ERBB4: variants seen among roughly 807,000 people sequenced by gnomAD.
The protein encoded by ERBB4 is receptor tyrosine-protein kinase erbB-4.
A neutral mutation model predicts 158.0 loss-of-function variants in ERBB4; 42 were observed. That is an observed-to-expected ratio of 0.27 (90% CI 0.21 to 0.34). ERBB4 has a LOEUF of 0.34. ERBB4 is among the 10% of genes least tolerant of loss of function. ERBB4 has a pLI of 1.00. For missense variants in ERBB4, 1,333 were observed against 1,624.1 expected, an observed-to-expected ratio of 0.82 and a Z score of 3.08; for synonymous variants, 583 against 558.7, an observed-to-expected ratio of 1.04 and a Z score of -0.61.
At chr2:211,643,227 C>G (rs2070664065) in intron 16 of ERBB4, among the ~76,000 whole-genome samples, 1 of 152,184 alleles carries the variant, frequency 6.6e-6, no homozygotes, top group East Asian at 1.9e-4. Context: ...CAAAGGTTGA[C>G]CATAGGGAAT....
rs955515561 is a variant in ERBB4, at chr2:211,558,423, G to C, written c.2487+3480C>G. On this transcript the variant is annotated intron_variant, in intron 20 of 27. Coordinates refer to ENST00000342788, the MANE Select transcript of ERBB4 (RefSeq NM_005235.3). ...CCTGTGACTACAATGGGCCGATCTG[G>C]GTAATCCAGGATAATCTCATCTCAA... Among the ~76,000 whole-genome samples the C allele has an allele frequency of 6.6e-5, 10 of 151,996 alleles. No homozygotes were observed. The East Asian group carries it at 1.4e-3, about 21-fold the overall frequency.
chr2:211,636,593 A>G (rs1164626751), intron 16 of ERBB4, among the ~76,000 whole-genome samples: 1 of 151,950 alleles, frequency 6.6e-6, no homozygotes, highest in Non-Finnish European at 1.5e-5. Flanking sequence ...TCTAATAATC[A>G]ATAATGCCAC....
At chr2:211,941,257 A>AT (rs34846131) in intron 3 of ERBB4, among the ~76,000 whole-genome samples, 3,147 of 143,702 alleles carry the variant, frequency 0.022, 53 homozygotes, top group African/African-American at 0.044. Flanking sequence ...GTACTCTTAG[A>AT]TTTTTTTTTT....
At chr2:211,769,322 C>T (rs1292195901) in intron 4 of ERBB4, among the ~76,000 whole-genome samples, 4 of 152,128 alleles carry the variant, frequency 2.6e-5, no homozygotes, top group Admixed American at 1.3e-4. Context: ...CAAACTTTCC[C>T]ACATCTTCCT....
Position 211,704,957 on chromosome 2 carries a change from T to C in ERBB4, c.1198+361A>G, listed in dbSNP as rs116856762. 4.4e-4 allele frequency among the ~76,000 whole-genome samples: 67 copies of C among 152,266 alleles called. No individual in the cohort carries two copies. The East Asian group carries it at 0.013, about 29-fold the overall frequency. ...TAACTTTTTTTGTTTTGTTTTGTTT[T>C]GTTTTTTGTTGTTATTTTGAAATGG... On this transcript the variant is annotated intron_variant, in intron 10 of 27. Transcript: ENST00000342788.
intron 16 of ERBB4, among the ~76,000 whole-genome samples, chr2:211,657,012 G>T (rs80153622): frequency 0.022 from 3,334 of 151,992 alleles, 121 homozygotes; most frequent in African/African-American, 0.075. Flanking sequence ...TTTCTATATT[G>T]CCTTTATGTT....
chr2:212,509,819 G>C (rs979103547), intron 1 of ERBB4, among the ~76,000 whole-genome samples: 1 of 149,580 alleles, frequency 6.7e-6, no homozygotes, highest in Non-Finnish European at 1.5e-5. Context: ...CTTACAGTCA[G>C]TTAGTTTCTA....
intron 1 of ERBB4, among the ~76,000 whole-genome samples, chr2:212,498,471 T>C (rs747538536): frequency 2.4e-4 from 36 of 152,142 alleles, no homozygotes; most frequent in African/African-American, 3.6e-4. Context: ...CTCCAAAGGA[T>C]TGAGATACAT....
intron 20 of ERBB4, among the ~76,000 whole-genome samples, chr2:211,456,399 A>G (rs1385566821): frequency 6.6e-6 from 1 of 152,176 alleles, no homozygotes. Flanking sequence ...TATACTTCTG[A>G]ATCAATGAAT....
chr2:212,159,363 G>A (rs2081137259), intron 1 of ERBB4, among the ~76,000 whole-genome samples: 1 of 147,058 alleles, frequency 6.8e-6, no homozygotes, highest in African/African-American at 2.5e-5. Context: ...CCTTATTATT[G>A]ATGCCTACAC....
intron 3 of ERBB4, among the ~76,000 whole-genome samples, chr2:211,820,687 A>G (rs960856716): frequency 6.6e-6 from 1 of 151,864 alleles, no homozygotes; most frequent in African/African-American, 2.4e-5. Context: ...ACAAAATCAC[A>G]CCAAAATATG....
chr2:212,057,418 C>T (rs1448326572), intron 2 of ERBB4, among the ~76,000 whole-genome samples: 1 of 152,170 alleles, frequency 6.6e-6, no homozygotes, highest in Non-Finnish European at 1.5e-5. Flanking sequence ...CTCAGCTCTG[C>T]ACCAAGTGGA....
At chr2:211,878,652 G>GTTT (rs150312098) in intron 3 of ERBB4, among the ~76,000 whole-genome samples, 16,074 of 98,882 alleles carry the variant, frequency 0.16, 1,400 homozygotes, top group Admixed American at 0.22. Flanking sequence ...GACAAATTAA[G>GTTT]TTTTGTTTTT....
intron 2 of ERBB4, among the ~76,000 whole-genome samples, chr2:211,973,250 G>T (rs963474311): frequency 6.6e-6 from 1 of 150,912 alleles, no homozygotes; most frequent in Non-Finnish European, 1.5e-5. Context: ...CACCCAGGCT[G>T]GAGTGCAGTG....
At chr2:211,575,568 G>A (rs559105241) in intron 19 of ERBB4, among the ~76,000 whole-genome samples, 1 of 152,290 alleles carries the variant, frequency 6.6e-6, no homozygotes, top group African/African-American at 2.4e-5. Context: ...ACTTGGGAAA[G>A]TAGTATGCAT....
Position 211,665,345 on chromosome 2 carries a change from A to C in ERBB4, c.1849T>G (p.Cys617Gly). 1 of 1,614,204 alleles carries C rather than the reference A, an allele frequency of 6.2e-7. No individual in the cohort carries two copies. The highest frequency in any genetic ancestry group is 8.5e-7 in the Non-Finnish European group (1 of 1,180,024). The part of the protein sequence containing the change: ...YADPDRECHP[C>G]HPNCTQGCNG... ...TACCCTTGGGTGCAGTTTGGATGGC[A>C]TGGGTGGCACTCCCGATCTGGATCA... is the stretch of plus-strand genomic sequence containing the variant. The change falls in exon 15 of 28, where the codon TGC (cysteine) becomes GGC (glycine). Residue 617 changes from cysteine to glycine, a missense_variant. By Grantham distance (159) the Cys-to-Gly change is radical. This residue lies in a region of ERBB4 where 245 missense variants were observed against 247.5 expected (regional missense o/e 0.99). Transcript: ENST00000342788.
In ERBB4 at chr2:212,246,045, T is replaced by C. The variant is rs146685370; in HGVS notation, c.83-121142A>G. ...CCTCAGGAGAGTCTTTAAAAGCAAA[T>C]AGATGATCCTCTATGGGAGCCGGCT... On this transcript the variant is annotated intron_variant, in intron 1 of 27. Transcript: ENST00000342788. Among the ~76,000 whole-genome samples, 103 of 152,162 alleles carry C rather than the reference T, an allele frequency of 6.8e-4. 1 individual carries two copies. Among genetic ancestry groups the C allele is most frequent in the African/African-American group, 2.3e-3 (96 of 41,532 alleles).
At chr2:211,542,352 A>G (rs9288433) in intron 20 of ERBB4, among the ~76,000 whole-genome samples, 105,253 of 151,730 alleles carry the variant, frequency 0.69, 36,786 homozygotes, top group East Asian at 0.83. Context: ...TTGTGACACT[A>G]TGGAGTGGAA....
At chr2:212,397,891 G>A (rs1043358830) in intron 1 of ERBB4, among the ~76,000 whole-genome samples, 3 of 151,988 alleles carry the variant, frequency 2.0e-5, no homozygotes, top group African/African-American at 4.8e-5. Flanking sequence ...TATCTATAGT[G>A]TTGTTTTAAA....
Sources: allele counts gnomAD v4.1 joint callset (sites outside exome capture counted in the v4.1 genomes callset), GRCh38; gene constraint gnomAD v4.1.1; regional missense constraint gnomAD v4.1.1; transcripts MANE v1.5; gene names NCBI Gene and HGNC (gene_info 2026-07-23, HGNC 2026-07-21).